The following NELL2 variants were observed in gnomAD, a reference collection of about 807,000 sequenced individuals.
NELL2 encodes neural EGFL like 2.
A neutral mutation model predicts 109.6 loss-of-function variants in NELL2; 41 were observed. The observed-to-expected ratio is 0.37, with a 90% CI of 0.29 to 0.49. NELL2 has a LOEUF of 0.49. Ranked by LOEUF, NELL2 falls within the 20% of genes least tolerant of loss-of-function variation. NELL2 has a pLI of 0.98. For synonymous variants in NELL2, 355 were observed against 344.7 expected (o/e 1.03, Z -0.33); for missense variants, 900 against 1,008.3 (o/e 0.89, Z 1.45).
intron 9 of NELL2, among the ~76,000 whole-genome samples, chr12:44,733,489 A>C (rs1939477397): frequency 6.6e-6 from 1 of 151,850 alleles, no homozygotes; most frequent in Non-Finnish European, 1.5e-5. Context: ...CCCAATTAAC[A>C]TGAGGTATGC....
At chr12:44,586,137 C>T (rs1389079795) in intron 15 of NELL2, among the ~76,000 whole-genome samples, 1 of 150,388 alleles carries the variant, frequency 6.6e-6, no homozygotes, top group Non-Finnish European at 1.5e-5. Flanking sequence ...TATGTATATG[C>T]AAATATATCA....
chr12:44,875,489 C>T, intron 1 of NELL2, 136 bp from the exon 2 acceptor site: 1 of 1,614,004 alleles, frequency 6.2e-7, no homozygotes, highest in Non-Finnish European at 8.5e-7. Flanking sequence ...CTGCCTCCTC[C>T]TCCGCCGAGA....
chr12:44,765,682 T>G (rs1941300306), intron 9 of NELL2, among the ~76,000 whole-genome samples: 1 of 152,234 alleles, frequency 6.6e-6, no homozygotes. Context: ...GAAGCTCCGT[T>G]CTTACCACCA....
At chr12:44,587,798 T>C (rs1944580932) in intron 15 of NELL2, among the ~76,000 whole-genome samples, 1 of 152,160 alleles carries the variant, frequency 6.6e-6, no homozygotes, top group South Asian at 2.1e-4. Context: ...ATAAACCCCC[T>C]TGATGGTCAC....
intron 11 of NELL2, among the ~76,000 whole-genome samples, chr12:44,705,550 C>G (rs188830474): frequency 6.6e-6 from 1 of 152,226 alleles, no homozygotes; most frequent in East Asian, 1.9e-4. Flanking sequence ...TTTCCTTCTT[C>G]TTTAAATAGC....
At chr12:44,544,661 T>C (rs1220592163) in intron 15 of NELL2, among the ~76,000 whole-genome samples, 2 of 152,212 alleles carry the variant, frequency 1.3e-5, no homozygotes, top group African/African-American at 2.4e-5. Flanking sequence ...ACACATAAAA[T>C]ATATATTTAA....
At chr12:44,594,189 A>T (rs1944869610) in intron 15 of NELL2, among the ~76,000 whole-genome samples, 1 of 152,170 alleles carries the variant, frequency 6.6e-6, no homozygotes, top group Non-Finnish European at 1.5e-5. Flanking sequence ...TACCTAATGC[A>T]GATGACGGGT....
chr12:44,766,064 T>C (rs1416358191), intron 9 of NELL2, among the ~76,000 whole-genome samples: 2 of 149,068 alleles, frequency 1.3e-5, no homozygotes, highest in East Asian at 3.9e-4. Flanking sequence ...CCAGCCTGGG[T>C]GACAGAGCAA....
At chr12:44,627,601 A>T (rs543454322) in intron 13 of NELL2, among the ~76,000 whole-genome samples, 37 of 152,320 alleles carry the variant, frequency 2.4e-4, no homozygotes, top group Admixed American at 9.8e-4. Context: ...TCTGGCTGCC[A>T]GCCAAAATCC....
chr12:44,674,592 T>C (rs764392523), intron 12 of NELL2, among the ~76,000 whole-genome samples: 1 of 152,194 alleles, frequency 6.6e-6, no homozygotes, highest in Non-Finnish European at 1.5e-5. Context: ...GGGGACATAA[T>C]GTGAATGTAT....
Position 44,508,768 on chromosome 12 carries a change from TG to T in NELL2, c.*165del. 1 of 634,580 alleles carries T rather than the reference TG, an allele frequency of 1.6e-6. No homozygotes were observed. Among genetic ancestry groups the T allele is most frequent in the East Asian group, 2.8e-5 (1 of 35,590 alleles). 39.3% of individuals were successfully genotyped at this position (634,580 alleles called of 1,614,324 possible). A position where few individuals can be genotyped will look rare whatever the true frequency, so the allele number is the denominator to read the frequency against. ...AATTTTGCCCCAGTAATTTTCCTTT[TG>T]TGATTTTGTCAAGCTCCACAAATTT... On this transcript the variant is annotated 3_prime_UTR_variant, in exon 20 of 20. Transcript: ENST00000429094.
At chr12:44,733,294 T>G (rs1939464987) in intron 9 of NELL2, among the ~76,000 whole-genome samples, 1 of 151,732 alleles carries the variant, frequency 6.6e-6, no homozygotes, top group Non-Finnish European at 1.5e-5. Flanking sequence ...AGCCAAGAGG[T>G]GGAAACAACC....
intron 12 of NELL2, among the ~76,000 whole-genome samples, chr12:44,694,263 T>C (rs1229147875): frequency 6.6e-6 from 1 of 152,088 alleles, no homozygotes; most frequent in African/African-American, 2.4e-5. Flanking sequence ...ACAAAAAGAC[T>C]GAGTAAGAGG....
intron 13 of NELL2, among the ~76,000 whole-genome samples, chr12:44,622,275 A>G (rs965062559): frequency 1.4e-4 from 21 of 152,142 alleles, no homozygotes; most frequent in Admixed American, 3.9e-4. Context: ...AACTTCACCA[A>G]TGCAAAAGTT....
intron 3 of NELL2, among the ~76,000 whole-genome samples, chr12:44,793,381 T>A (rs1262576029): frequency 6.6e-6 from 1 of 152,184 alleles, no homozygotes; most frequent in Non-Finnish European, 1.5e-5. Flanking sequence ...AATAATAAAG[T>A]GTATTTGCAT....
intron 15 of NELL2, among the ~76,000 whole-genome samples, chr12:44,555,614 C>A (rs1943222434): frequency 6.6e-6 from 1 of 152,116 alleles, no homozygotes; most frequent in Admixed American, 6.5e-5. Context: ...TCACAATAAC[C>A]TTTCAACCCA....
intron 13 of NELL2, among the ~76,000 whole-genome samples, chr12:44,626,174 C>T (rs1946257494): frequency 6.6e-6 from 1 of 152,082 alleles, no homozygotes; most frequent in South Asian, 2.1e-4. Flanking sequence ...GCAGAACAAT[C>T]ATTTCAAAAC....
chr12:44,702,896 T>C (rs913963863), intron 12 of NELL2, among the ~76,000 whole-genome samples: 1 of 152,218 alleles, frequency 6.6e-6, no homozygotes, highest in Non-Finnish European at 1.5e-5. Flanking sequence ...AAACAGAAGC[T>C]GTGTGTTTAT....
chr12:44,728,189 T>C (rs755522976), intron 9 of NELL2, among the ~76,000 whole-genome samples: 2 of 152,090 alleles, frequency 1.3e-5, no homozygotes, highest in Non-Finnish European at 2.9e-5. Context: ...ACAATGCTGC[T>C]CAATGAGCTC....
Sources: gnomAD v4.1 joint callset for allele counts (sites outside exome capture counted in the v4.1 genomes callset) on GRCh38, gnomAD v4.1.1 for gene constraint, MANE v1.5 for transcripts, NCBI Gene and HGNC (gene_info 2026-07-23, HGNC 2026-07-21) for gene names.